Variants in SLC15A2 observed in about 807,000 individuals in gnomAD.
The protein encoded by SLC15A2 is kidney H(+)/peptide cotransporter.
SLC15A2 carries 77 observed loss-of-function variants against 95.5 expected under a neutral mutation model. The observed-to-expected ratio is 0.81, with a 90% CI of 0.67 to 0.97. The LOEUF (loss-of-function observed/expected upper bound fraction) is 0.97, where lower values mean the gene tolerates loss of function less well. Ranked by LOEUF, SLC15A2 falls within the 50% of genes least tolerant of loss-of-function variation. The probability of loss-of-function intolerance (pLI) is 0.00; values close to 1 mark genes in which losing one functional copy is unlikely to be tolerated. For missense variants in SLC15A2, 893 were observed against 874.4 expected (o/e 1.02, Z -0.27); for synonymous variants, 306 against 306.9 (o/e 1.00, Z 0.03).
Position 121,927,826 on chromosome 3 carries a change from A to G in SLC15A2, c.1193A>G (p.Glu398Gly), listed in dbSNP as rs1255012277. ...GCATTTGCAGTTGCGGCAGCTGTAG[A>G]GATAAAAATAAATGTGAGTTCAGTA... Reference protein sequence around the residue: ...CLAFAVAAAVEIKINEMAPAQ... With the variant: ...CLAFAVAAAVGIKINEMAPAQ... Residue 398 changes from glutamate to glycine, a missense_variant, in exon 14 of 22, where the codon GAG becomes GGG. Transcript: ENST00000489711. 6.2e-7 allele frequency: 1 copy of G among 1,612,986 alleles called. No individual in the cohort carries two copies. Among genetic ancestry groups the G allele is most frequent in the African/African-American group, 1.3e-5 (1 of 75,032 alleles).
In SLC15A2 at chr3:121,943,097, C is replaced by T. The variant is rs532593042; in HGVS notation, c.*2090C>T. Reference sequence around the variant, plus strand: ...CCTGGCCAACATGGTGAAACCGTGTCTCTACTAAAAGTACAAAAATTAGCC... The same window carrying T: ...CCTGGCCAACATGGTGAAACCGTGTTTCTACTAAAAGTACAAAAATTAGCC... On this transcript the variant is annotated 3_prime_UTR_variant, in exon 22 of 22. Coordinates refer to ENST00000489711, the MANE Select transcript of SLC15A2 (RefSeq NM_021082.4). 6.6e-6 allele frequency: 1 copy of T among 152,066 alleles called. No individual in the cohort carries two copies. The highest frequency in any genetic ancestry group is 2.4e-5 in the African/African-American group (1 of 41,404). 9.4% of individuals were successfully genotyped at this position (152,066 alleles called of 1,614,324 possible). A position where few individuals can be genotyped will look rare whatever the true frequency, so the allele number is the denominator to read the frequency against.
intron 17 of SLC15A2, among the ~76,000 whole-genome samples, chr3:121,929,969 G>C (rs1710198972): frequency 6.6e-6 from 1 of 152,162 alleles, no homozygotes; most frequent in South Asian, 2.1e-4. Context: ...CATTTTAGTG[G>C]AGAACTTTTA....
chr3:121,921,932 C>T (rs912080177), intron 7 of SLC15A2, among the ~76,000 whole-genome samples: 2 of 152,212 alleles, frequency 1.3e-5, no homozygotes, highest in Admixed American at 6.5e-5. Context: ...ATGAAAGTCT[C>T]AATAGATATC....
intron 3 of SLC15A2, among the ~76,000 whole-genome samples, chr3:121,909,040 A>AT (rs1365924547): frequency 1.3e-5 from 2 of 151,774 alleles, no homozygotes; most frequent in Non-Finnish European, 2.9e-5. Flanking sequence ...TCATTTATTT[A>AT]TTTTTATTTT....
intron 7 of SLC15A2, among the ~76,000 whole-genome samples, chr3:121,919,532 A>G (rs2107592503): frequency 6.6e-6 from 1 of 152,250 alleles, no homozygotes; most frequent in Middle Eastern, 3.4e-3. Context: ...AAAAAGTACC[A>G]CTAGATTGGT....
intron 19 of SLC15A2, among the ~76,000 whole-genome samples, chr3:121,933,029 G>A (rs1385064320): frequency 2.7e-5 from 4 of 150,172 alleles, no homozygotes; most frequent in Admixed American, 2.0e-4. Context: ...TTTTGTTCTT[G>A]CGATAGTTTA....
Position 121,931,671 on chromosome 3 carries a change from A to T in SLC15A2, c.1697A>T (p.Lys566Met). Residue 566 changes from lysine to methionine, a missense_variant, in exon 19 of 22, where the codon AAG becomes ATG. Physicochemically the swap from Lys to Met is moderately conservative, Grantham distance 95. Transcript: ENST00000489711. ...GCAGTGCACTGTAGAACAGAAGATA[A>T]GAACTTTTCTCTGAATTTGGGTCTT... ...YPAVHCRTED[K>M]NFSLNLGLLD... is the part of the protein sequence containing the mutation. 6.2e-7 allele frequency: 1 copy of T among 1,613,540 alleles called. No individual in the cohort carries two copies. The highest frequency in any genetic ancestry group is 1.1e-5 in the South Asian group (1 of 91,076).
chr3:121,928,920 G>T (rs1429916271), intron 15 of SLC15A2, 62 bp from the exon 16 acceptor site: 3 of 1,554,448 alleles, frequency 1.9e-6, no homozygotes, highest in Admixed American at 1.8e-5. Context: ...ATGCTACATC[G>T]TGATGTCCAA....
At chr3:121,916,922 G>A (rs547652808) in intron 7 of SLC15A2, among the ~76,000 whole-genome samples, 79 of 152,134 alleles carry the variant, frequency 5.2e-4, no homozygotes, top group Admixed American at 1.5e-3. Context: ...CCGGGTTCAC[G>A]CCATTCTCCT....
chr3:121,924,891 A>C (rs1710083171), intron 12 of SLC15A2, 54 bp from the exon 13 acceptor site: 1 of 1,258,792 alleles, frequency 7.9e-7, no homozygotes, highest in East Asian at 2.3e-5. Context: ...TGCAGTGCTC[A>C]CACTCATGAT....
intron 15 of SLC15A2, among the ~76,000 whole-genome samples, 159 bp from the exon 16 acceptor site, chr3:121,928,823 T>C (rs1316844373): frequency 1.3e-5 from 2 of 152,214 alleles, no homozygotes; most frequent in Admixed American, 6.5e-5. Context: ...TGATTATTTC[T>C]TAGGGTAAAT....
chr3:121,933,767 T>C (rs1338567519), intron 19 of SLC15A2, among the ~76,000 whole-genome samples: 1 of 151,404 alleles, frequency 6.6e-6, no homozygotes, highest in Non-Finnish European at 1.5e-5. Context: ...TTTAGTTTAA[T>C]TAGATCCCAT....
intron 19 of SLC15A2, among the ~76,000 whole-genome samples, chr3:121,935,203 G>C (rs1277227860): frequency 6.6e-6 from 1 of 152,212 alleles, no homozygotes; most frequent in South Asian, 2.1e-4. Flanking sequence ...CATGTTCATC[G>C]AGGATATTGG....
chr3:121,914,444 C>A (rs1054125838), intron 5 of SLC15A2, among the ~76,000 whole-genome samples: 1 of 152,202 alleles, frequency 6.6e-6, no homozygotes, highest in Non-Finnish European at 1.5e-5. Flanking sequence ...CTAGCCACTT[C>A]TAAGCCAGAT....
intron 2 of SLC15A2, 30 bp from the exon 3 acceptor site, chr3:121,897,358 C>A: frequency 6.2e-7 from 1 of 1,611,098 alleles, no homozygotes; most frequent in Non-Finnish European, 8.5e-7. Context: ...TGTTTTGTCT[C>A]CCCACGCCTC....
At chr3:121,905,720 T>C (rs1709624645) in intron 3 of SLC15A2, among the ~76,000 whole-genome samples, 1 of 152,224 alleles carries the variant, frequency 6.6e-6, no homozygotes, top group African/African-American at 2.4e-5. Flanking sequence ...AGACAGTTTG[T>C]TGTGATTTCT....
intron 7 of SLC15A2, 142 bp downstream of exon 7, chr3:121,915,835 C>T: frequency 1.8e-6 from 1 of 562,434 alleles, no homozygotes; most frequent in South Asian, 3.0e-5. Context: ...GGTTTCCCCT[C>T]AATTTTGGAG....
chr3:121,931,558 G>C (rs961168401), intron 18 of SLC15A2, 81 bp from the exon 19 acceptor site: 2 of 825,782 alleles, frequency 2.4e-6, no homozygotes, highest in African/African-American at 1.7e-5. Context: ...TCAGTAGAGA[G>C]ATGAGATCAC....
intron 15 of SLC15A2, 32 bp from the exon 16 acceptor site, chr3:121,928,950 G>C (rs200196629): frequency 4.4e-6 from 7 of 1,607,382 alleles, no homozygotes; most frequent in African/African-American, 1.3e-5. Context: ...GAAGGTGTAC[G>C]TGACCTTCAT....
Sources: allele counts gnomAD v4.1 joint callset (sites outside exome capture counted in the v4.1 genomes callset), GRCh38; gene constraint gnomAD v4.1.1; transcripts MANE v1.5; gene names NCBI Gene and HGNC (gene_info 2026-07-23, HGNC 2026-07-21).